SKIC8: variants seen among roughly 807,000 people sequenced by gnomAD.
The protein encoded by SKIC8 is SKI8 subunit of superkiller complex.
chr15:78,297,556 C>T, the SKIC8 span, among the ~76,000 whole-genome samples: 799 of 152,244 alleles, frequency 5.2e-3, 7 homozygotes, highest in African/African-American at 0.017. Context: ...ACCATAATTT[C>T]GAAGTTGCAA....
the SKIC8 span, among the ~76,000 whole-genome samples, chr15:78,294,173 G>A: frequency 6.6e-6 from 1 of 152,172 alleles, no homozygotes; most frequent in African/African-American, 2.4e-5. Context: ...TAGTTGACTG[G>A]CATGCCCAAT....
chr15:78,295,754 AG>A, the SKIC8 span: 1 of 1,504,648 alleles, frequency 6.6e-7, no homozygotes, highest in East Asian at 2.3e-5. Flanking sequence ...GATTTCAGTG[AG>A]GGGGTGTCAT....
the SKIC8 span, among the ~76,000 whole-genome samples, chr15:78,287,875 C>G: frequency 6.6e-6 from 1 of 152,134 alleles, no homozygotes; most frequent in African/African-American, 2.4e-5. Flanking sequence ...TGACTGCTCC[C>G]TAACTAGGGC....
At chr15:78,298,730 A>C in the SKIC8 span, among the ~76,000 whole-genome samples, 1 of 152,192 alleles carries the variant, frequency 6.6e-6, no homozygotes, top group East Asian at 1.9e-4. Flanking sequence ...AAACCACGGT[A>C]AGTCAGTCAG....
chr15:78,283,648 C>T, the SKIC8 span: 1 of 682,098 alleles, frequency 1.5e-6, no homozygotes. Flanking sequence ...CTTGTACTTT[C>T]TAAATCAGTG....
the SKIC8 span, chr15:78,285,896 CTAAA>C: frequency 1.6e-6 from 1 of 611,144 alleles, no homozygotes; most frequent in East Asian, 2.9e-5. Context: ...ACTAACATCA[CTAAA>C]TAAAAATTTT....
chr15:78,296,925 C>T, the SKIC8 span, among the ~76,000 whole-genome samples: 1 of 152,204 alleles, frequency 6.6e-6, no homozygotes, highest in East Asian at 1.9e-4. Context: ...CAACACAGAA[C>T]CACTGTTCCT....
chr15:78,292,568 A>T, the SKIC8 span: 6 of 1,612,554 alleles, frequency 3.7e-6, no homozygotes, highest in Non-Finnish European at 5.1e-6. Flanking sequence ...AGATTTTGGA[A>T]AAGAAATCAT....
chr15:78,286,248 A>G, the SKIC8 span: 1 of 829,872 alleles, frequency 1.2e-6, no homozygotes, highest in Non-Finnish European at 1.9e-6. Context: ...TGCTATCCTT[A>G]TAATGACCAT....
chr15:78,293,980 C>T, the SKIC8 span, among the ~76,000 whole-genome samples: 40 of 152,284 alleles, frequency 2.6e-4, no homozygotes, highest in African/African-American at 9.6e-4. Context: ...GTGACAAGTG[C>T]ACATGGAGGC....
At chr15:78,283,933 T>C in the SKIC8 span, 1 of 156,286 alleles carries the variant, frequency 6.4e-6, no homozygotes, top group Non-Finnish European at 1.4e-5. Context: ...ACTGCGCTCC[T>C]CAGCTGACCC....
the SKIC8 span, chr15:78,292,520 CA>C: frequency 2.6e-6 from 4 of 1,520,534 alleles, no homozygotes. Flanking sequence ...CTCTCAAATC[CA>C]AAAAATTCTG....
At chr15:78,295,224 A>G in the SKIC8 span, 2 of 569,532 alleles carry the variant, frequency 3.5e-6, no homozygotes, top group Non-Finnish European at 6.2e-6. Flanking sequence ...ACTCAACAAG[A>G]GACCAATAAA....
At chr15:78,294,892 G>C in the SKIC8 span, 1 of 1,611,666 alleles carries the variant, frequency 6.2e-7, no homozygotes, top group South Asian at 1.1e-5. Flanking sequence ...TCTTAAACCA[G>C]GGACAACACA....
the SKIC8 span, among the ~76,000 whole-genome samples, chr15:78,296,528 C>T: frequency 6.7e-6 from 1 of 149,374 alleles, no homozygotes; most frequent in African/African-American, 2.5e-5. Context: ...TTTTTTTTTT[C>T]GAGATAGGGT....
the SKIC8 span, chr15:78,286,068 CAG>C: frequency 2.5e-6 from 4 of 1,613,900 alleles, no homozygotes; most frequent in Non-Finnish European, 2.5e-6. Flanking sequence ...GTCATCAGGA[CAG>C]AATGCAACGT....
At chr15:78,294,929 A>C in the SKIC8 span, 4 of 1,614,198 alleles carry the variant, frequency 2.5e-6, no homozygotes, top group Admixed American at 3.3e-5. Flanking sequence ...AATTGCTTAA[A>C]CAGGCAGGCT....
At chr15:78,296,728 C>T in the SKIC8 span, among the ~76,000 whole-genome samples, 1 of 152,134 alleles carries the variant, frequency 6.6e-6, no homozygotes, top group Non-Finnish European at 1.5e-5. Flanking sequence ...GTCTTGAACT[C>T]CTGGGCTCAA....
At chr15:78,286,083 A>G in the SKIC8 span, 5 of 1,614,002 alleles carry the variant, frequency 3.1e-6, no homozygotes, top group Non-Finnish European at 4.2e-6. Context: ...TGCAACGTTC[A>G]GCACCCAGGA....
Sources: gnomAD v4.1 joint callset for allele counts (sites outside exome capture counted in the v4.1 genomes callset) on GRCh38, gnomAD v4.1.1 for gene constraint, MANE v1.5 for transcripts, NCBI Gene and HGNC (gene_info 2026-07-23, HGNC 2026-07-21) for gene names.